The following HDAC9 variants were observed in gnomAD, a reference collection of about 807,000 sequenced individuals.
HDAC9 encodes the protein MEF-2 interacting transcription repressor (MITR) protein.
HDAC9 carries 41 observed loss-of-function variants against 139.4 expected under a neutral mutation model. That is an observed-to-expected ratio of 0.29 (90% CI 0.23 to 0.38). The LOEUF (loss-of-function observed/expected upper bound fraction) is 0.38, where lower values mean the gene tolerates loss of function less well. HDAC9 is among the 10% of genes least tolerant of loss of function. The pLI is 1.00. For missense variants in HDAC9, 1,147 were observed against 1,297.0 expected (o/e 0.88, Z 1.78); for synonymous variants, 517 against 476.2 (o/e 1.09, Z -1.12).
At chr7:18,394,237 G>T (rs1345071136) in intron 1 of HDAC9, among the ~76,000 whole-genome samples, 1 of 152,038 alleles carries the variant, frequency 6.6e-6, no homozygotes, top group Non-Finnish European at 1.5e-5. Context: ...GGTTGGGGCT[G>T]TCTTAATCTT....
intron 16 of HDAC9, among the ~76,000 whole-genome samples, chr7:18,792,664 C>G (rs1370674028): frequency 1.3e-5 from 2 of 152,124 alleles, no homozygotes; most frequent in Non-Finnish European, 2.9e-5. Context: ...TTTAACAATA[C>G]CAGTTTGAAC....
intron 22 of HDAC9, among the ~76,000 whole-genome samples, chr7:18,906,251 T>G (rs1385152830): frequency 1.3e-5 from 2 of 152,000 alleles, no homozygotes; most frequent in Non-Finnish European, 2.9e-5. Flanking sequence ...CTCAAGTGAT[T>G]CTCCTGCCTT....
upstream of HDAC9, among the ~76,000 whole-genome samples, chr7:18,288,738 C>G (rs916269671): frequency 2.6e-5 from 4 of 151,996 alleles, no homozygotes; most frequent in African/African-American, 9.7e-5. Flanking sequence ...AGGTGACCAT[C>G]GAGAATATAC....
intron 1 of HDAC9, among the ~76,000 whole-genome samples, chr7:18,417,240 C>A (rs939023365): frequency 1.3e-5 from 2 of 148,834 alleles, no homozygotes; most frequent in African/African-American, 5.2e-5. Flanking sequence ...ATATTTTAAT[C>A]TCATATATTG....
chr7:18,529,298 G>T (rs1348682587), intron 2 of HDAC9, among the ~76,000 whole-genome samples: 2 of 152,128 alleles, frequency 1.3e-5, no homozygotes, highest in African/African-American at 2.4e-5. Context: ...AAGGTTGTCA[G>T]TTGGCATAGG....
intron 13 of HDAC9, among the ~76,000 whole-genome samples, chr7:18,736,888 A>G (rs1386107295): frequency 6.6e-6 from 1 of 152,104 alleles, no homozygotes; most frequent in Non-Finnish European, 1.5e-5. Flanking sequence ...TTGGTAGGCT[A>G]TTAATTATTG....
intron 2 of HDAC9, among the ~76,000 whole-genome samples, chr7:18,523,142 T>A (rs1478539037): frequency 2.0e-5 from 3 of 152,316 alleles, no homozygotes; most frequent in African/African-American, 7.2e-5. Context: ...GAGATGACAC[T>A]GCAAACCAGG....
chr7:18,101,123 A>G (rs926059013), intron 1 of HDAC9, among the ~76,000 whole-genome samples: 1 of 152,158 alleles, frequency 6.6e-6, no homozygotes, highest in African/African-American at 2.4e-5. Context: ...ACTGCTGAAT[A>G]TTCAAGGGGG....
intron 22 of HDAC9, among the ~76,000 whole-genome samples, chr7:18,924,509 G>C (rs975254083): frequency 6.6e-6 from 1 of 152,060 alleles, no homozygotes; most frequent in Non-Finnish European, 1.5e-5. Context: ...AGGTATTTTG[G>C]TCTTGAAATT....
At chr7:18,897,565 A>G (rs567466577) in intron 22 of HDAC9, among the ~76,000 whole-genome samples, 2 of 152,038 alleles carry the variant, frequency 1.3e-5, no homozygotes, top group African/African-American at 4.8e-5. Flanking sequence ...TCTAATAATC[A>G]TATTTGTAGG....
At chr7:18,516,218 A>G (rs1195125736) in intron 2 of HDAC9, among the ~76,000 whole-genome samples, 6 of 152,224 alleles carry the variant, frequency 3.9e-5, no homozygotes, top group Non-Finnish European at 8.8e-5. Context: ...TAGTTAGAGA[A>G]TAAAACCTCA....
intron 22 of HDAC9, among the ~76,000 whole-genome samples, chr7:18,930,896 T>C (rs1484973443): frequency 6.6e-6 from 1 of 152,214 alleles, no homozygotes; most frequent in African/African-American, 2.4e-5. Flanking sequence ...TGGGACTTTT[T>C]TTCATTGCCA....
intron 1 of HDAC9, among the ~76,000 whole-genome samples, chr7:18,104,647 C>A (rs1248083116): frequency 2.0e-5 from 3 of 152,056 alleles, no homozygotes; most frequent in Non-Finnish European, 4.4e-5. Flanking sequence ...AATGATCATC[C>A]CAGAGCTTCT....
rs115594363 is a variant in HDAC9, at chr7:18,974,097, C to T, written c.3023-1709C>T. Among the ~76,000 whole-genome samples the T allele has an allele frequency of 3.5e-3, 538 of 152,248 alleles. 4 individuals carry two copies. The highest frequency in any genetic ancestry group is 0.012 in the African/African-American group (516 of 41,538). ...TGTTCTAGTCATTCCCAGCAGTTGA[C>T]GGTCACCCAGTAAAACACAGAGACT... On this transcript the variant is annotated intron_variant, in intron 24 of 25. Transcript: ENST00000686413.
At chr7:18,436,461 GGTTTT>G (rs1585889209) in intron 1 of HDAC9, among the ~76,000 whole-genome samples, 1 of 151,938 alleles carries the variant, frequency 6.6e-6, no homozygotes, top group Non-Finnish European at 1.5e-5. Flanking sequence ...ATCCATATGT[GGTTTT>G]GTTTTCATGC....
intron 22 of HDAC9, among the ~76,000 whole-genome samples, chr7:18,892,955 C>A (rs1800814295): frequency 8.1e-6 from 1 of 123,846 alleles, no homozygotes; most frequent in Admixed American, 1.1e-4. Context: ...CAGGTTGTTA[C>A]TTGTTGCTTC....
rs189423405 is a variant in HDAC9, at chr7:18,311,786, T to C, written c.-42+21271T>C. Reference sequence around the variant, plus strand: ...GCCTCAAATTTTCTAAATAGAAGGATTTAGAGATGAAGGAATGGAGACTGG... The same window carrying C: ...GCCTCAAATTTTCTAAATAGAAGGACTTAGAGATGAAGGAATGGAGACTGG... On this transcript the variant is annotated intron_variant, in intron 1 of 3. Coordinates refer to the HDAC9 transcript ENST00000413509. 2.2e-3 allele frequency among the ~76,000 whole-genome samples: 342 copies of C among 152,288 alleles called. 3 individuals carry two copies. Among genetic ancestry groups the C allele is most frequent in the Non-Finnish European group, 4.1e-3 (277 of 68,026 alleles).
chr7:18,568,989 A>G (rs1024393384), intron 2 of HDAC9, among the ~76,000 whole-genome samples: 3 of 152,084 alleles, frequency 2.0e-5, no homozygotes, highest in Non-Finnish European at 2.9e-5. Context: ...GAAAGTTGCA[A>G]TGAGCCGAGA....
At chr7:18,171,319 TG>T (rs1367684407) in intron 2 of HDAC9, among the ~76,000 whole-genome samples, 3 of 152,224 alleles carry the variant, frequency 2.0e-5, no homozygotes, top group African/African-American at 7.2e-5. Context: ...TTGCTGAAGT[TG>T]CTTATCAGCT....
Sources: allele counts gnomAD v4.1 joint callset (sites outside exome capture counted in the v4.1 genomes callset), GRCh38; gene constraint gnomAD v4.1.1; transcripts MANE v1.5; gene names NCBI Gene and HGNC (gene_info 2026-07-23, HGNC 2026-07-21).